The following COX10 variants were observed in gnomAD, a reference collection of about 807,000 sequenced individuals.
COX10 encodes the protein cytochrome c oxidase assembly factor heme A:farnesyltransferase COX10, also known as protoheme IX farnesyltransferase, mitochondrial.
In COX10, 27 loss-of-function variants were observed where a neutral mutation model predicts 37.3. The ratio of observed to expected loss-of-function variants is 0.72; its 90% CI spans 0.53 to 1.00. The LOEUF is 1.00. Ranked by LOEUF, COX10 falls within the 50% of genes least tolerant of loss-of-function variation. COX10 has a pLI of 0.00. For synonymous variants in COX10, 222 were observed against 229.1 expected, an observed-to-expected ratio of 0.97 and a Z score of 0.28; for missense variants, 475 against 563.2, an observed-to-expected ratio of 0.84 and a Z score of 1.59.
intron 3 of COX10, among the ~76,000 whole-genome samples, chr17:14,097,879 A>G (rs1915684317): frequency 6.6e-6 from 1 of 152,292 alleles, no homozygotes; most frequent in East Asian, 1.9e-4. Flanking sequence ...TGGCTCTAGT[A>G]TCCCATCTCT....
chr17:14,202,917 T>C (rs1233389805), intron 6 of COX10, among the ~76,000 whole-genome samples: 3 of 152,136 alleles, frequency 2.0e-5, no homozygotes, highest in African/African-American at 7.2e-5. Context: ...CTCCTTGCCA[T>C]TAGTTGAGTC....
intron 3 of COX10, among the ~76,000 whole-genome samples, chr17:14,097,327 T>C (rs541998148): frequency 4.6e-5 from 7 of 152,120 alleles, no homozygotes; most frequent in African/African-American, 1.7e-4. Flanking sequence ...GGTTTTTTTT[T>C]TTAGAAATGT....
At chr17:14,118,868 A>C (rs1360913387) in intron 4 of COX10, among the ~76,000 whole-genome samples, 1 of 149,784 alleles carries the variant, frequency 6.7e-6, no homozygotes, top group Non-Finnish European at 1.5e-5. Context: ...TAATACCTGT[A>C]GTCAGGGAGC....
At chr17:14,177,385 T>C in intron 5 of COX10, 1 of 462,246 alleles carries the variant, frequency 2.2e-6, no homozygotes, top group Non-Finnish European at 3.8e-6. Flanking sequence ...GATTGTCTTA[T>C]CATGTTTGGG....
chr17:14,167,534 G>A (rs1036648775), intron 5 of COX10, among the ~76,000 whole-genome samples: 71 of 152,094 alleles, frequency 4.7e-4, no homozygotes, highest in Admixed American at 3.6e-3. Flanking sequence ...GTTCATTTTC[G>A]CACTGATATA....
At chr17:14,116,478 A>G (rs1223550961) in intron 4 of COX10, among the ~76,000 whole-genome samples, 1 of 152,142 alleles carries the variant, frequency 6.6e-6, no homozygotes, top group Non-Finnish European at 1.5e-5. Flanking sequence ...CAAGTTTAAC[A>G]CTTCTACAAC....
intron 3 of COX10, among the ~76,000 whole-genome samples, chr17:14,091,973 G>A (rs1915539053): frequency 6.6e-6 from 1 of 152,006 alleles, no homozygotes; most frequent in Admixed American, 6.6e-5. Flanking sequence ...CAGTTTATAG[G>A]CACCAGTTTT....
At chr17:14,084,039 T>G (rs1212722901) in intron 3 of COX10, among the ~76,000 whole-genome samples, 1 of 152,200 alleles carries the variant, frequency 6.6e-6, no homozygotes, top group Non-Finnish European at 1.5e-5. Context: ...TATCAATGTA[T>G]AAATTTTTTT....
chr17:14,117,564 CAG>C (rs1916139719), intron 4 of COX10, among the ~76,000 whole-genome samples: 1 of 152,138 alleles, frequency 6.6e-6, no homozygotes, highest in African/African-American at 2.4e-5. Context: ...GGGCGTGTGA[CAG>C]GGGTGTGGCT....
At chr17:14,163,519 G>T (rs1291835894) in intron 5 of COX10, among the ~76,000 whole-genome samples, 1 of 152,148 alleles carries the variant, frequency 6.6e-6, no homozygotes, top group African/African-American at 2.4e-5. Context: ...GCCTCCCAAA[G>T]TGCTGGGATT....
At chr17:14,145,061 G>C (rs902933959) in intron 4 of COX10, among the ~76,000 whole-genome samples, 1 of 152,052 alleles carries the variant, frequency 6.6e-6, no homozygotes, top group Non-Finnish European at 1.5e-5. Context: ...AGTTAGGAGA[G>C]AAGAGGCTGT....
intron 4 of COX10, among the ~76,000 whole-genome samples, chr17:14,154,786 G>A (rs1904996588): frequency 6.6e-6 from 1 of 152,176 alleles, no homozygotes; most frequent in African/African-American, 2.4e-5. Flanking sequence ...TGCCGCTGAG[G>A]AAACTAAGGC....
intron 5 of COX10, among the ~76,000 whole-genome samples, chr17:14,185,866 G>A (rs1906010261): frequency 6.6e-6 from 1 of 150,694 alleles, no homozygotes; most frequent in South Asian, 2.1e-4. Flanking sequence ...ACAAAGTGGA[G>A]CCAAGAATAA....
chr17:14,123,132 T>C (rs1307612751), intron 4 of COX10, among the ~76,000 whole-genome samples: 9 of 152,198 alleles, frequency 5.9e-5, no homozygotes, highest in African/African-American at 2.2e-4. Context: ...CTGAGGTATA[T>C]GGAACAGGTT....
At chr17:14,153,558 A>C (rs907800462) in intron 4 of COX10, among the ~76,000 whole-genome samples, 2 of 152,220 alleles carry the variant, frequency 1.3e-5, no homozygotes, top group Non-Finnish European at 2.9e-5. Flanking sequence ...CTTTCTTCTG[A>C]TAGCCAGTCC....
At chr17:14,170,154 T>A (rs1905418310) in intron 5 of COX10, among the ~76,000 whole-genome samples, 1 of 152,192 alleles carries the variant, frequency 6.6e-6, no homozygotes, top group African/African-American at 2.4e-5. Context: ...GTAAACTTTT[T>A]AAATAAATTA....
At chr17:14,204,743 G>A (rs550849308) in intron 6 of COX10, among the ~76,000 whole-genome samples, 4 of 151,160 alleles carry the variant, frequency 2.6e-5, no homozygotes, top group Non-Finnish European at 5.9e-5. Flanking sequence ...ACACATACAC[G>A]CAGGCACACA....
chr17:14,118,604 C>T (rs1247322279), intron 4 of COX10, among the ~76,000 whole-genome samples: 5 of 152,016 alleles, frequency 3.3e-5, no homozygotes, highest in Non-Finnish European at 1.5e-5. Context: ...TAACATTAGA[C>T]AATGTTAAAT....
chr17:14,159,544 G>A (rs1159468990), intron 4 of COX10, among the ~76,000 whole-genome samples: 2 of 152,140 alleles, frequency 1.3e-5, no homozygotes, highest in African/African-American at 4.8e-5. Flanking sequence ...CGGGAGTTGA[G>A]TATGTGTGGA....
Sources: gnomAD v4.1 joint callset for allele counts (sites outside exome capture counted in the v4.1 genomes callset) on GRCh38, gnomAD v4.1.1 for gene constraint, MANE v1.5 for transcripts, NCBI Gene and HGNC (gene_info 2026-07-23, HGNC 2026-07-21) for gene names.